RSPH9: variants seen among roughly 807,000 people sequenced by gnomAD.
RSPH9 encodes radial spoke head component 9.
In RSPH9, 27 loss-of-function variants were observed where a neutral mutation model predicts 27.0. The ratio of observed to expected loss-of-function variants is 1.00; its 90% CI spans 0.74 to 1.38. RSPH9 has a LOEUF of 1.38. Ranked by LOEUF, RSPH9 falls within the 40% of genes most tolerant of loss-of-function variation. RSPH9 has a pLI of 0.00. For missense variants in RSPH9, 347 were observed against 357.4 expected, an observed-to-expected ratio of 0.97 and a Z score of 0.24; for synonymous variants, 145 against 147.7, an observed-to-expected ratio of 0.98 and a Z score of 0.13.
chr6:43,650,306 G>A, intron 1 of RSPH9, 69 bp from the exon 2 acceptor site: 2 of 1,576,380 alleles, frequency 1.3e-6, no homozygotes, highest in South Asian at 1.1e-5. Context: ...CTAGACAGAA[G>A]GGAAGATAAT....
chr6:43,667,413 G>A (rs1352278287), intron 4 of RSPH9, among the ~76,000 whole-genome samples: 1 of 138,222 alleles, frequency 7.2e-6, no homozygotes, highest in African/African-American at 3.4e-5. Flanking sequence ...GCAGCAGAGG[G>A]CAGCAACGCG....
intron 3 of RSPH9, among the ~76,000 whole-genome samples, chr6:43,655,987 G>GACTTACTT (rs1488208356): frequency 3.0e-5 from 3 of 101,320 alleles, no homozygotes; most frequent in Non-Finnish European, 6.5e-5. Flanking sequence ...TTCCTCCTTG[G>GACTTACTT]ACTTCCTTCC....
In RSPH9 at chr6:43,672,021, C is replaced by T. The variant is rs898365916; in HGVS notation, c.*1072C>T. On this transcript the variant is annotated 3_prime_UTR_variant, in exon 5 of 5. Transcript: ENST00000372163. ...ACGGTTGGGCAAGCAAATCCTTTCACCAGTTTCCCTTTCCTGAAGTGCAGG... is the reference window on the plus strand; with the variant it reads ...ACGGTTGGGCAAGCAAATCCTTTCATCAGTTTCCCTTTCCTGAAGTGCAGG... 4.9e-6 allele frequency: 6 copies of T among 1,235,174 alleles called. No individual in the cohort carries two copies. Among genetic ancestry groups the T allele is most frequent in the Non-Finnish European group, 6.6e-6 (6 of 910,342 alleles). 76.5% of individuals were successfully genotyped at this position (1,235,174 alleles called of 1,614,324 possible). A position where few individuals can be genotyped will look rare whatever the true frequency, so the allele number is the denominator to read the frequency against.
At chr6:43,664,202 TGTGATGATG>T (rs1772910238) in intron 4 of RSPH9, among the ~76,000 whole-genome samples, 1 of 151,898 alleles carries the variant, frequency 6.6e-6, no homozygotes, top group African/African-American at 2.4e-5. Flanking sequence ...AAAGTAAACC[TGTGATGATG>T]ATGATGATGA....
chr6:43,645,115 TC>T lies in RSPH9; in HGVS notation c.19del (p.Leu7CysfsTer57), dbSNP rs755022256. The T allele has an allele frequency of 2.5e-6, 4 of 1,612,210 alleles. No individual in the cohort carries two copies. In the African/African-American group the frequency reaches 4.0e-5, roughly 16 times the overall value. On this transcript the variant is annotated frameshift_variant, in exon 1 of 5. Transcript: ENST00000372163. LOFTEE classifies it high-confidence loss of function. The part of the protein sequence containing the change: MDADS[L>X]LLSLELASGS... ...GCTGACCTGATGGACGCCGACAGCC[TC>T]CTGCTGTCTCTGGAGCTGGCGTCCG...
In RSPH9 at chr6:43,656,742, G is replaced by A. The variant is rs747428616; in HGVS notation, c.670+19G>A. On this transcript the variant is annotated intron_variant, in intron 4 of 4. Transcript: ENST00000372163. ...CCCAAAGGTAATAGTCCATTACCTG[G>A]AGGCCATGGGATCTGTCCTCAGGCC... The A allele has an allele frequency of 6.2e-7, 1 of 1,612,356 alleles. No homozygotes were observed.
intron 4 of RSPH9, among the ~76,000 whole-genome samples, chr6:43,668,568 C>A (rs1202172342): frequency 6.6e-6 from 1 of 152,194 alleles, no homozygotes; most frequent in African/African-American, 2.4e-5. Flanking sequence ...CACTGCCCCC[C>A]GCCCCCTGCA....
In RSPH9 at chr6:43,645,241, GC is replaced by G. The variant is rs1166636864; in HGVS notation, c.145del (p.Arg49AlafsTer15). The G allele has an allele frequency of 6.2e-7, 1 of 1,613,978 alleles. No homozygotes were observed. The highest frequency in any genetic ancestry group is 8.5e-7 in the Non-Finnish European group (1 of 1,180,024). Reference sequence around the variant, plus strand: ...CGCTATGATCGGGTTCTCTTCTGGGGCCGCATCCTTGGCCTCGTCGCCGATT... The same window carrying G: ...CGCTATGATCGGGTTCTCTTCTGGGGCGCATCCTTGGCCTCGTCGCCGATT... ...DYRYDRVLFW[G>X]RILGLVADYY... is the part of the protein sequence containing the mutation. On this transcript the variant is annotated frameshift_variant, in exon 1 of 5. Transcript: ENST00000372163. LOFTEE classifies it high-confidence loss of function.
chr6:43,656,475 A>G, intron 3 of RSPH9, 102 bp from the exon 4 acceptor site: 3 of 1,317,820 alleles, frequency 2.3e-6, no homozygotes, highest in South Asian at 2.4e-5. Flanking sequence ...AGTGGTTGAC[A>G]GGGTCTTTTG....
intron 3 of RSPH9, among the ~76,000 whole-genome samples, chr6:43,655,914 G>T (rs1771961582): frequency 6.6e-6 from 1 of 152,122 alleles, no homozygotes; most frequent in Non-Finnish European, 1.5e-5. Flanking sequence ...GAGTGGGAGA[G>T]CATATAGTCC....
At chr6:43,666,562 CAAGA>C in intron 4 of RSPH9, 1 of 1,285,556 alleles carries the variant, frequency 7.8e-7, no homozygotes, top group Non-Finnish European at 1.1e-6. Flanking sequence ...GCCAAAGTGA[CAAGA>C]GACACCTTGG....
At chr6:43,645,819 A>G (rs1770800504) in intron 1 of RSPH9, among the ~76,000 whole-genome samples, 1 of 152,134 alleles carries the variant, frequency 6.6e-6, no homozygotes, top group Admixed American at 6.5e-5. Context: ...CGCCAGAGGG[A>G]GAGGGTGGTG....
At chr6:43,657,017 C>G (rs1772112734) in intron 4 of RSPH9, among the ~76,000 whole-genome samples, 1 of 152,214 alleles carries the variant, frequency 6.6e-6, no homozygotes, top group Admixed American at 6.5e-5. Context: ...GGAATCTTCT[C>G]CCAAATATCC....
intron 4 of RSPH9, among the ~76,000 whole-genome samples, chr6:43,667,469 G>GGTGGT (rs1247414157): frequency 6.6e-6 from 1 of 152,232 alleles, no homozygotes; most frequent in Non-Finnish European, 1.5e-5. Flanking sequence ...TGCTGCTGGT[G>GGTGGT]GTGGTTGAGG....
At position 43,655,626 on chromosome 6, in the gene RSPH9, T is replaced by A. The variant is rs756161521; in HGVS notation, c.458T>A (p.Ile153Asn). The change falls in exon 3 of 5, where the codon ATC becomes AAC. Residue 153 changes from isoleucine to asparagine, a missense_variant. Transcript: ENST00000372163. ...VIDQIDKAVA[I>N]IPRGALFKTP... The stretch of plus-strand genomic sequence containing the variant: ...GACCAGATTGACAAGGCTGTGGCCA[T>A]CATCCCCCGAGGCGCCCTCTTCAAG... 4 of 1,614,102 alleles carry A rather than the reference T, an allele frequency of 2.5e-6. No homozygotes were observed. Among genetic ancestry groups the A allele is most frequent in the Non-Finnish European group, 3.4e-6 (4 of 1,180,042 alleles).
chr6:43,658,291 C>CAAAAAAAAAAAAAAAA (rs58592648), intron 4 of RSPH9, among the ~76,000 whole-genome samples: 4 of 24,826 alleles, frequency 1.6e-4, no homozygotes, highest in East Asian at 1.8e-3. Flanking sequence ...AACTCCGTCT[C>CAAAAAAAAAAAAAAAA]AAAAAAAAAA....
At chr6:43,651,014 C>T (rs1483123156) in intron 2 of RSPH9, among the ~76,000 whole-genome samples, 8 of 151,230 alleles carry the variant, frequency 5.3e-5, no homozygotes, top group African/African-American at 1.7e-4. Context: ...AGGCTGGTCT[C>T]AAACTCCTGG....
Position 43,660,979 on chromosome 6 carries a change from C to T in RSPH9, c.670+4256C>T, listed in dbSNP as rs114534042. Reference sequence around the variant, plus strand: ...GCAGGCAGGAAAACAACATTAATCTCGTTGTACATCTCCATCAGGGCTCTT... The same window carrying T: ...GCAGGCAGGAAAACAACATTAATCTTGTTGTACATCTCCATCAGGGCTCTT... On this transcript the variant is annotated intron_variant, in intron 4 of 4. Coordinates refer to ENST00000372163, the MANE Select transcript of RSPH9 (RefSeq NM_152732.5). Among the ~76,000 whole-genome samples, 712 of 152,272 alleles carry T rather than the reference C, an allele frequency of 4.7e-3. 5 individuals are homozygous for T. Among genetic ancestry groups the T allele is most frequent in the Middle Eastern group, 0.024 (7 of 294 alleles).
chr6:43,661,525 G>T (rs1344944754), intron 4 of RSPH9, among the ~76,000 whole-genome samples: 5 of 152,052 alleles, frequency 3.3e-5, no homozygotes, highest in Admixed American at 3.3e-4. Flanking sequence ...GCCGGGCATG[G>T]TGGCCTGCAC....
Sources: allele counts gnomAD v4.1 joint callset (sites outside exome capture counted in the v4.1 genomes callset), GRCh38; gene constraint gnomAD v4.1.1; transcripts MANE v1.5; gene names NCBI Gene and HGNC (gene_info 2026-07-23, HGNC 2026-07-21).